Variants in SLC6A20 observed in about 807,000 individuals in gnomAD.
SLC6A20 encodes sodium- and chloride-dependent transporter XTRP3.
A neutral mutation model predicts 64.3 loss-of-function variants in SLC6A20; 73 were observed. The observed-to-expected ratio is 1.14, with a 90% CI of 0.94 to 1.38. The LOEUF is 1.38. Among genes scored for constraint, SLC6A20 ranks in the 40% most tolerant of loss-of-function variants. The probability of loss-of-function intolerance (pLI) is 0.00; values close to 1 mark genes in which losing one functional copy is unlikely to be tolerated. For synonymous variants in SLC6A20, 347 were observed against 329.6 expected (o/e 1.05, Z -0.57); for missense variants, 725 against 772.8 (o/e 0.94, Z 0.73).
chr3:45,786,814 T>G (rs1254985146), intron 1 of SLC6A20, among the ~76,000 whole-genome samples: 1 of 152,214 alleles, frequency 6.6e-6, no homozygotes, highest in Non-Finnish European at 1.5e-5. Flanking sequence ...TTGTTATGAA[T>G]AAATAGGTAA....
chr3:45,759,657 C>T (rs1699627659), intron 10 of SLC6A20, among the ~76,000 whole-genome samples, 200 bp downstream of exon 10: 1 of 152,204 alleles, frequency 6.6e-6, no homozygotes, highest in Admixed American at 6.5e-5. Flanking sequence ...CCTCTCGCCC[C>T]ACTGAAGCAC....
intron 2 of SLC6A20, 31 bp downstream of exon 2, chr3:45,782,052 G>A: frequency 6.4e-7 from 1 of 1,567,508 alleles, no homozygotes; most frequent in East Asian, 2.3e-5. Context: ...CGGGTCTCTG[G>A]GTGGGAGAGG....
chr3:45,770,430 C>T, intron 6 of SLC6A20, 59 bp from the exon 7 acceptor site: 3 of 1,589,246 alleles, frequency 1.9e-6, no homozygotes, highest in Non-Finnish European at 2.6e-6. Context: ...GTCACCAAAG[C>T]CTCCCGTCAG....
intron 1 of SLC6A20, among the ~76,000 whole-genome samples, chr3:45,786,433 A>C (rs1163933717): frequency 6.6e-6 from 1 of 152,148 alleles, no homozygotes; most frequent in Non-Finnish European, 1.5e-5. Context: ...GCTTTAGAGG[A>C]GCACTGGCCA....
chr3:45,789,408 C>T (rs540795919), intron 1 of SLC6A20, among the ~76,000 whole-genome samples: 11 of 152,150 alleles, frequency 7.2e-5, no homozygotes, highest in East Asian at 1.9e-4. Flanking sequence ...TAAATATAAA[C>T]GGATCAAATT....
At position 45,759,002 on chromosome 3, in the gene SLC6A20, C is replaced by A; in HGVS notation, c.1755G>T (p.Arg585Ser). 2 of 1,611,210 alleles carry A rather than the reference C, an allele frequency of 1.2e-6. No homozygotes were observed. Among genetic ancestry groups the A allele is most frequent in the Non-Finnish European group, 1.7e-6 (2 of 1,178,682 alleles). The change falls in exon 11 of 11, where the codon AGG (arginine) becomes AGT (serine). Residue 585 changes from arginine to serine, a missense_variant. Coordinates refer to ENST00000358525, the MANE Select transcript of SLC6A20 (RefSeq NM_020208.4). ...CTCAGGCCACGGGGTCTGCGTCTCCCCTCTTGAGGCGACGCTGAACAAAAG... is the reference window on the plus strand; with the variant it reads ...CTCAGGCCACGGGGTCTGCGTCTCCACTCTTGAGGCGACGCTGAACAAAAG... The part of the protein sequence containing the change: ...LGTFVQRRLK[R>S]GDADPVA
chr3:45,777,310 G>A (rs868532059), intron 3 of SLC6A20, among the ~76,000 whole-genome samples: 36 of 151,172 alleles, frequency 2.4e-4, no homozygotes, highest in African/African-American at 8.5e-4. Context: ...GGACCTCCAC[G>A]CCCACCCCTG....
intron 5 of SLC6A20, 199 bp from the exon 6 acceptor site, chr3:45,771,657 A>T (rs1219262850): frequency 1.3e-6 from 1 of 776,500 alleles, no homozygotes; most frequent in Non-Finnish European, 2.0e-6. Context: ...CAAGCTGCAC[A>T]CCTCCCAGGG....
rs1478068693 is a variant in SLC6A20 at position 45,756,830 on chromosome 3, A to G, written c.*2148T>C. On this transcript the variant is annotated 3_prime_UTR_variant, in exon 11 of 11. Coordinates refer to ENST00000358525, the MANE Select transcript of SLC6A20 (RefSeq NM_020208.4). ...AGACACAGAGACAAAGTATAGAGAA[A>G]GAACAGTGGGCCCAGGACCGGCGCT... is the stretch of plus-strand genomic sequence containing the variant. 6.6e-6 allele frequency: 1 copy of G among 152,250 alleles called. No homozygotes were observed. The highest frequency in any genetic ancestry group is 2.4e-5 in the African/African-American group (1 of 41,468). 9.4% of individuals were successfully genotyped at this position (152,250 alleles called of 1,614,324 possible).
At chr3:45,790,829 T>C (rs1700238190) in intron 1 of SLC6A20, among the ~76,000 whole-genome samples, 1 of 152,218 alleles carries the variant, frequency 6.6e-6, no homozygotes, top group South Asian at 2.1e-4. Flanking sequence ...TGCTGACTCC[T>C]TTTTCATCTC....
In SLC6A20 at chr3:45,758,987, G is replaced by C. The variant is rs534402179; in HGVS notation, c.1770C>G (p.Pro590=). 3 of 1,605,798 alleles carry C rather than the reference G, an allele frequency of 1.9e-6. No homozygotes were observed. Among genetic ancestry groups the C allele is most frequent in the East Asian group, 4.5e-5 (2 of 44,708 alleles). ...CTGGGAAGCCCACATCTCAGGCCAC[G>C]GGGTCTGCGTCTCCCCTCTTGAGGC... ...QRRLKRGDAD[P]VA Residue 590 remains proline, a synonymous_variant, in exon 11 of 11, where the codon CCC becomes CCG. Transcript: ENST00000358525.
intron 2 of SLC6A20, among the ~76,000 whole-genome samples, chr3:45,781,298 C>T (rs1256595619): frequency 6.6e-6 from 1 of 152,182 alleles, no homozygotes; most frequent in Admixed American, 6.5e-5. Context: ...GAACACTGGA[C>T]ACATTTCTTC....
intron 5 of SLC6A20, chr3:45,771,667 G>T: frequency 1.4e-6 from 1 of 720,444 alleles, no homozygotes; most frequent in South Asian, 1.9e-5. Flanking sequence ...ACCTCCCAGG[G>T]CTAAGGTGCT....
chr3:45,761,752 G>A (rs1241218949), intron 9 of SLC6A20, among the ~76,000 whole-genome samples: 1 of 152,174 alleles, frequency 6.6e-6, no homozygotes, highest in African/African-American at 2.4e-5. Context: ...AGTAAGTCTG[G>A]AAATGCTGCA....
In SLC6A20 at chr3:45,770,378, A is replaced by G. The variant is rs1330798925; in HGVS notation, c.936-7T>C. 11 of 1,613,628 alleles carry G rather than the reference A, an allele frequency of 6.8e-6. No homozygotes were observed. Among genetic ancestry groups the G allele is most frequent in the Non-Finnish European group, 5.1e-6 (6 of 1,179,984 alleles). The stretch of plus-strand genomic sequence containing the variant: ...GGTCAGCAGCAGACTCACCCTGCAG[A>G]GCAGACCATCGGATCGACCTTCACT... On this transcript the variant is annotated splice_region_variant and splice_polypyrimidine_tract_variant and intron_variant, in intron 6 of 10. Transcript: ENST00000358525.
rs886058548 is a variant in SLC6A20 at position 45,796,503 on chromosome 3, C to A, written c.-84G>T. 68 of 1,428,130 alleles carry A rather than the reference C, an allele frequency of 4.8e-5. No homozygotes were observed. Among genetic ancestry groups the A allele is most frequent in the Admixed American group, 7.5e-5 (3 of 39,966 alleles). The allele number at this position is 1,428,130 out of a possible 1,614,324, so 88.5% of individuals were successfully genotyped here. On this transcript the variant is annotated 5_prime_UTR_variant, in exon 1 of 11. Transcript: ENST00000358525. ...CGCGGTCGCCAGGCGCGCCGTCCCA[C>A]CCCGGCTCGGCTTGGGGGTGGCCCC...
chr3:45,794,829 T>C (rs751221054), intron 1 of SLC6A20, among the ~76,000 whole-genome samples: 4 of 152,256 alleles, frequency 2.6e-5, no homozygotes, highest in Non-Finnish European at 4.4e-5. Flanking sequence ...GAGTCAGTTA[T>C]AGAGCTGTTA....
chr3:45,782,088 C>T lies in SLC6A20; in HGVS notation c.257G>A (p.Gly86Asp). Residue 86 changes from glycine to aspartate, a missense_variant, in exon 2 of 11, where the codon GGT becomes GAT. Physicochemically the swap from Gly to Asp is moderately conservative, Grantham distance 94 (BLOSUM62 -1). Coordinates refer to ENST00000358525, the MANE Select transcript of SLC6A20 (RefSeq NM_020208.4). ...AWRTISPYLS[G>D]VGVASVVVSF... ...ACTGGAGGGGCCCCACGTACCGACA[C>T]CACTGAGGTACGGGCTGATGGTCCT... 6.2e-7 allele frequency: 1 copy of T among 1,608,390 alleles called. No individual in the cohort carries two copies. Among genetic ancestry groups the T allele is most frequent in the Non-Finnish European group, 8.5e-7 (1 of 1,177,056 alleles).
chr3:45,776,586 C>T (rs183539463), intron 3 of SLC6A20, among the ~76,000 whole-genome samples: 42 of 152,286 alleles, frequency 2.8e-4, no homozygotes, highest in East Asian at 2.7e-3. Flanking sequence ...CAGGTTCTCT[C>T]GGGCTCAGAC....
Sources: gnomAD v4.1 joint callset for allele counts (sites outside exome capture counted in the v4.1 genomes callset) on GRCh38, gnomAD v4.1.1 for gene constraint, MANE v1.5 for transcripts, NCBI Gene and HGNC (gene_info 2026-07-23, HGNC 2026-07-21) for gene names.